Variants in PCDH15 observed in about 807,000 individuals in gnomAD.
The protein encoded by PCDH15 is protocadherin-15.
Under a neutral mutation model 178.5 loss-of-function variants are expected in PCDH15, and 129 were observed. The observed-to-expected ratio is 0.72, with a 90% confidence interval of 0.63 to 0.84. PCDH15 has a LOEUF of 0.84. Among genes scored for constraint, PCDH15 ranks in the 40% least tolerant of loss-of-function variants. The pLI, the probability that PCDH15 is intolerant of heterozygous loss-of-function variation, is 0.00. For synonymous variants in PCDH15, 800 were observed against 732.0 expected (o/e 1.09, Z -1.50); for missense variants, 2,230 against 2,099.9 (o/e 1.06, Z -1.21).
intron 1 of PCDH15, among the ~76,000 whole-genome samples, chr10:54,719,748 A>G (rs1361823531): frequency 6.6e-6 from 1 of 151,852 alleles, no homozygotes; most frequent in Non-Finnish European, 1.5e-5. Context: ...TCATTGTTCA[A>G]TTCCCACTTA....
intron 1 of PCDH15, among the ~76,000 whole-genome samples, chr10:55,291,593 A>C (rs1264478103): frequency 1.3e-5 from 2 of 152,220 alleles, no homozygotes; most frequent in African/African-American, 4.8e-5. Context: ...GTCTTTACTA[A>C]GTTAAAGAAA....
chr10:54,494,172 C>T (rs1435105346), intron 3 of PCDH15, among the ~76,000 whole-genome samples: 2 of 151,650 alleles, frequency 1.3e-5, no homozygotes, highest in Non-Finnish European at 2.9e-5. Flanking sequence ...ACCAGCATGG[C>T]ACATGTATAC....
intron 16 of PCDH15, among the ~76,000 whole-genome samples, chr10:54,081,366 A>G (rs1309483746): frequency 6.6e-6 from 1 of 151,960 alleles, no homozygotes; most frequent in East Asian, 1.9e-4. Flanking sequence ...TATATGTATT[A>G]TTCCAAAAAT....
intron 15 of PCDH15, among the ~76,000 whole-genome samples, chr10:54,110,452 G>C (rs994402064): frequency 6.6e-6 from 1 of 151,974 alleles, no homozygotes; most frequent in Admixed American, 6.6e-5. Context: ...CCTGCTATTT[G>C]GGGCATTACA....
chr10:54,744,494 G>A (rs1321319688), intron 1 of PCDH15, among the ~76,000 whole-genome samples: 1 of 152,008 alleles, frequency 6.6e-6, no homozygotes, highest in Non-Finnish European at 1.5e-5. Flanking sequence ...ACTAGATACA[G>A]TTAACATAAA....
At chr10:54,808,036 C>T (rs1331687594) in intron 3 of PCDH15, among the ~76,000 whole-genome samples, 2 of 150,522 alleles carry the variant, frequency 1.3e-5, no homozygotes, top group African/African-American at 5.0e-5. Context: ...AAATATTAGC[C>T]GAGCACCTTC....
intron 18 of PCDH15, among the ~76,000 whole-genome samples, chr10:54,024,002 T>C (rs1424498866): frequency 6.6e-6 from 1 of 152,086 alleles, no homozygotes; most frequent in Non-Finnish European, 1.5e-5. Context: ...GTAACTGTAA[T>C]GTATGTGCAA....
chr10:54,880,600 C>T (rs1954244752), intron 3 of PCDH15, among the ~76,000 whole-genome samples: 1 of 151,026 alleles, frequency 6.6e-6, no homozygotes. Flanking sequence ...TTAATTTTCA[C>T]TAAGGTTAAA....
intron 2 of PCDH15, among the ~76,000 whole-genome samples, chr10:54,605,518 G>C (rs890970716): frequency 6.6e-6 from 1 of 152,050 alleles, no homozygotes; most frequent in Non-Finnish European, 1.5e-5. Context: ...ATCATAGGAG[G>C]GTTCCCTAAC....
Position 55,328,737 on chromosome 10 carries a change from T to A in PCDH15, c.-155-162086A>T, listed in dbSNP as rs114117214. ...AAACAATACAGTACAATTATTTACATAATATTTACATTTTATTCGGTACCG... is the reference window on the plus strand; with the variant it reads ...AAACAATACAGTACAATTATTTACAAAATATTTACATTTTATTCGGTACCG... On this transcript the variant is annotated intron_variant, in intron 2 of 5. Coordinates refer to the PCDH15 transcript ENST00000613346. Among the ~76,000 whole-genome samples the A allele has an allele frequency of 3.4e-3, 512 of 151,328 alleles. 4 individuals carry two copies. The highest frequency in any genetic ancestry group is 9.1e-3 in the African/African-American group (378 of 41,416).
chr10:54,863,946 T>A (rs1381257480), intron 3 of PCDH15, among the ~76,000 whole-genome samples: 1 of 152,162 alleles, frequency 6.6e-6, no homozygotes, highest in East Asian at 1.9e-4. Flanking sequence ...TTGGACTTAT[T>A]CTGTTAAATA....
At chr10:55,455,269 C>T (rs1839525256) in intron 2 of PCDH15, among the ~76,000 whole-genome samples, 2 of 152,068 alleles carry the variant, frequency 1.3e-5, no homozygotes, top group Non-Finnish European at 2.9e-5. Flanking sequence ...TGGAAGCATG[C>T]AGTCATCATG....
intron 2 of PCDH15, among the ~76,000 whole-genome samples, chr10:55,561,516 T>C (rs1176758247): frequency 6.6e-6 from 1 of 151,918 alleles, no homozygotes; most frequent in Admixed American, 6.6e-5. Flanking sequence ...TTAACTATAG[T>C]CTTTGAAAGA....
At chr10:55,574,969 A>G (rs2132113669) in intron 2 of PCDH15, among the ~76,000 whole-genome samples, 1 of 152,200 alleles carries the variant, frequency 6.6e-6, no homozygotes, top group Admixed American at 6.6e-5. Flanking sequence ...TTATCTCTAT[A>G]TATACTTTCA....
intron 15 of PCDH15, among the ~76,000 whole-genome samples, chr10:54,092,399 C>A (rs931042790): frequency 6.6e-6 from 1 of 152,072 alleles, no homozygotes; most frequent in Non-Finnish European, 1.5e-5. Context: ...CAGGCCAATT[C>A]TTTTATTTCT....
At chr10:54,695,476 A>G (rs1013466521) in intron 1 of PCDH15, among the ~76,000 whole-genome samples, 2 of 152,158 alleles carry the variant, frequency 1.3e-5, no homozygotes, top group African/African-American at 4.8e-5. Context: ...GTTAATGGGT[A>G]AGCTATAGCA....
chr10:54,549,132 T>C (rs1005288899), intron 2 of PCDH15, among the ~76,000 whole-genome samples: 2 of 151,916 alleles, frequency 1.3e-5, no homozygotes, highest in Non-Finnish European at 2.9e-5. Flanking sequence ...AATTAAATAA[T>C]CCTTGGCTTT....
intron 15 of PCDH15, among the ~76,000 whole-genome samples, chr10:54,117,596 T>C (rs1436971835): frequency 2.6e-5 from 4 of 152,092 alleles, no homozygotes; most frequent in South Asian, 4.1e-4. Context: ...ATGAGGTACA[T>C]AGACAAATGG....
At chr10:54,774,980 G>A (rs906524707) in intron 1 of PCDH15, among the ~76,000 whole-genome samples, 7 of 152,046 alleles carry the variant, frequency 4.6e-5, no homozygotes, top group Non-Finnish European at 5.9e-5. Context: ...CCACACAAGC[G>A]TCACCTTTGT....
Sources: gnomAD v4.1 joint callset for allele counts (sites outside exome capture counted in the v4.1 genomes callset) on GRCh38, gnomAD v4.1.1 for gene constraint, MANE v1.5 for transcripts, NCBI Gene and HGNC (gene_info 2026-07-23, HGNC 2026-07-21) for gene names.